Variants in REDIC1 observed in about 807,000 individuals in gnomAD.
REDIC1 encodes regulator of DNA class I crossover intermediates 1.
the REDIC1 span, among the ~76,000 whole-genome samples, chr12:39,899,311 T>G: frequency 3.3e-5 from 5 of 152,220 alleles, no homozygotes; most frequent in African/African-American, 1.2e-4. Flanking sequence ...TGTATTTCTG[T>G]GGGATTGGTG....
chr12:39,725,946 T>TG, the REDIC1 span, among the ~76,000 whole-genome samples: 2 of 152,052 alleles, frequency 1.3e-5, no homozygotes, highest in African/African-American at 4.8e-5. Flanking sequence ...TGTGTTCACC[T>TG]GGTGTTTCTT....
chr12:39,861,677 G>C, the REDIC1 span, among the ~76,000 whole-genome samples: 1 of 152,156 alleles, frequency 6.6e-6, no homozygotes, highest in Non-Finnish European at 1.5e-5. Flanking sequence ...GTGAAAAAAA[G>C]AAATATGTGT....
chr12:39,790,638 G>A, the REDIC1 span, among the ~76,000 whole-genome samples: 3 of 125,296 alleles, frequency 2.4e-5, no homozygotes, highest in Non-Finnish European at 4.9e-5. Context: ...ATTTGGGTTG[G>A]TTCCAAGTCT....
chr12:39,884,169 A>G, the REDIC1 span, among the ~76,000 whole-genome samples: 5 of 152,150 alleles, frequency 3.3e-5, no homozygotes, highest in African/African-American at 4.8e-5. Context: ...GGGTCTCACT[A>G]TGTTGCTCAG....
At chr12:39,682,791 T>A in the REDIC1 span, 1 of 1,613,006 alleles carries the variant, frequency 6.2e-7, no homozygotes, top group South Asian at 1.1e-5. Context: ...AGTCTACTCC[T>A]AACCTTCTAT....
the REDIC1 span, among the ~76,000 whole-genome samples, chr12:39,725,615 T>C: frequency 6.6e-6 from 1 of 152,074 alleles, no homozygotes; most frequent in Non-Finnish European, 1.5e-5. Context: ...TCTCATTTCC[T>C]TCAAAAGGCT....
chr12:39,740,408 A>G, the REDIC1 span, among the ~76,000 whole-genome samples: 3 of 152,228 alleles, frequency 2.0e-5, no homozygotes, highest in South Asian at 6.2e-4. Context: ...GTTAGCATTT[A>G]AATTAGGCAT....
the REDIC1 span, among the ~76,000 whole-genome samples, chr12:39,694,072 T>G: frequency 6.6e-6 from 1 of 152,232 alleles, no homozygotes; most frequent in African/African-American, 2.4e-5. Flanking sequence ...AAATGCTCAT[T>G]GGCTATTTGC....
At chr12:39,849,625 T>C in the REDIC1 span, among the ~76,000 whole-genome samples, 1 of 152,184 alleles carries the variant, frequency 6.6e-6, no homozygotes, top group Non-Finnish European at 1.5e-5. Context: ...CTTCTTTGTT[T>C]AGTGCTACAA....
At chr12:39,683,562 T>G in the REDIC1 span, 5 of 1,193,452 alleles carry the variant, frequency 4.2e-6, no homozygotes, top group Non-Finnish European at 6.1e-6. Context: ...TGATGCAAAG[T>G]GAGGTAGGCG....
the REDIC1 span, among the ~76,000 whole-genome samples, chr12:39,717,190 G>C: frequency 6.7e-6 from 1 of 148,410 alleles, no homozygotes; most frequent in Non-Finnish European, 1.5e-5. Flanking sequence ...TGTGTGTACA[G>C]TTTGTCATTG....
At chr12:39,666,853 T>C in the REDIC1 span, among the ~76,000 whole-genome samples, 19 of 152,244 alleles carry the variant, frequency 1.2e-4, no homozygotes, top group Non-Finnish European at 2.2e-4. Context: ...TTTATTTGCG[T>C]AGAGGTGTTT....
chr12:39,635,406 A>G, the REDIC1 span, among the ~76,000 whole-genome samples: 7 of 152,272 alleles, frequency 4.6e-5, 1 homozygote, highest in South Asian at 1.0e-3. Context: ...ATGTCCATCA[A>G]TGGTAGACTG....
At chr12:39,722,707 CTG>C in the REDIC1 span, among the ~76,000 whole-genome samples, 2 of 152,068 alleles carry the variant, frequency 1.3e-5, no homozygotes, top group African/African-American at 4.8e-5. Context: ...CAGTTAAGCT[CTG>C]TAAGATGAGG....
the REDIC1 span, among the ~76,000 whole-genome samples, chr12:39,884,765 T>C: frequency 6.6e-6 from 1 of 152,140 alleles, no homozygotes; most frequent in Admixed American, 6.6e-5. Context: ...ACAGTCCAAA[T>C]AGTTAATCAG....
the REDIC1 span, among the ~76,000 whole-genome samples, chr12:39,895,334 C>T: frequency 6.6e-6 from 1 of 150,962 alleles, no homozygotes; most frequent in Non-Finnish European, 1.5e-5. Flanking sequence ...ACTAAAAATA[C>T]AAAAAATTAG....
At chr12:39,881,492 G>A in the REDIC1 span, among the ~76,000 whole-genome samples, 4 of 152,012 alleles carry the variant, frequency 2.6e-5, no homozygotes, top group Admixed American at 2.6e-4. Context: ...TTTTCACCTC[G>A]CCTCATCATG....
chr12:39,721,352 T>G, the REDIC1 span: 1 of 976,186 alleles, frequency 1.0e-6, no homozygotes, highest in Non-Finnish European at 1.5e-6. Context: ...TGAGAAAAAG[T>G]AGCTAAGCAT....
At chr12:39,802,427 GAAGT>G in the REDIC1 span, 4 of 152,296 alleles carry the variant, frequency 2.6e-5, no homozygotes, top group African/African-American at 9.6e-5. Flanking sequence ...TTGATGCACA[GAAGT>G]AAGAGGAATA....
Sources: allele counts gnomAD v4.1 joint callset (sites outside exome capture counted in the v4.1 genomes callset), GRCh38; gene constraint gnomAD v4.1.1; transcripts MANE v1.5; gene names NCBI Gene and HGNC (gene_info 2026-07-23, HGNC 2026-07-21).